Variants in WWTR1 observed in about 807,000 individuals in gnomAD.
WWTR1 encodes the protein WW domain-containing transcription regulator protein 1.
WWTR1 carries 13 observed loss-of-function variants against 40.1 expected under a neutral mutation model. The observed-to-expected ratio is 0.32, with a 90% CI of 0.21 to 0.52. The LOEUF is 0.52. Among genes scored for constraint, WWTR1 ranks in the 20% least tolerant of loss-of-function variants. The pLI, the probability that WWTR1 is intolerant of heterozygous loss-of-function variation, is 0.97. For missense variants in WWTR1, 436 were observed against 523.1 expected (o/e 0.83, Z 1.63); for synonymous variants, 230 against 210.1 (o/e 1.09, Z -0.82).
intron 3 of WWTR1, among the ~76,000 whole-genome samples, chr3:149,564,562 C>T (rs1737225379): frequency 6.6e-6 from 1 of 151,586 alleles, no homozygotes; most frequent in Admixed American, 6.6e-5. Flanking sequence ...GAGGGAATCA[C>T]CCTTAACTCA....
intron 1 of WWTR1, among the ~76,000 whole-genome samples, chr3:149,670,301 C>G (rs1714016702): frequency 6.6e-6 from 1 of 152,162 alleles, no homozygotes; most frequent in Non-Finnish European, 1.5e-5. Context: ...CTCCATTTTT[C>G]AGGGCGCAGT....
intron 2 of WWTR1, among the ~76,000 whole-genome samples, chr3:149,654,645 A>G (rs1005527397): frequency 6.7e-6 from 1 of 148,668 alleles, no homozygotes; most frequent in Admixed American, 6.6e-5. Flanking sequence ...AGCTACTCCA[A>G]TCATTCAAAA....
intron 1 of WWTR1, among the ~76,000 whole-genome samples, chr3:149,684,662 C>G (rs1714575364): frequency 6.6e-6 from 1 of 151,984 alleles, no homozygotes; most frequent in South Asian, 2.1e-4. Flanking sequence ...CTCCTGGGGT[C>G]AAGAAATCCT....
rs141448727 is a variant in WWTR1, at chr3:149,542,530, A to G, written c.576T>C (p.Asn192=). ...MAVSQPNLVM[N]HQHQQQMAPS... is the part of the protein sequence containing the mutation. ...GGGCCATCTGCTGCTGGTGTTGGTG[A>G]TTCATCACTGCAAGAGGGAAGAACA... Residue 192 remains asparagine (N), a synonymous_variant, in exon 4 of 7, where the codon AAT becomes AAC. Transcript: ENST00000360632. 240 of 1,611,860 alleles carry G rather than the reference A, an allele frequency of 1.5e-4. No individual in the cohort carries two copies. Among genetic ancestry groups the G allele is most frequent in the Non-Finnish European group, 1.9e-4 (225 of 1,178,852 alleles).
At chr3:149,566,780 T>C (rs1737344993) in intron 3 of WWTR1, among the ~76,000 whole-genome samples, 1 of 150,902 alleles carries the variant, frequency 6.6e-6, no homozygotes, top group Admixed American at 6.6e-5. Context: ...GACAAGATTT[T>C]CCATCTTGTC....
At chr3:149,564,672 T>TTTGC (rs1290193243) in intron 3 of WWTR1, among the ~76,000 whole-genome samples, 2 of 152,148 alleles carry the variant, frequency 1.3e-5, no homozygotes, top group African/African-American at 4.8e-5. Context: ...CCTAATGAGC[T>TTTGC]TTGCTTGGGG....
At chr3:149,624,445 C>G (rs1675385464) in intron 2 of WWTR1, among the ~76,000 whole-genome samples, 1 of 152,216 alleles carries the variant, frequency 6.6e-6, no homozygotes, top group African/African-American at 2.4e-5. Context: ...TCAGCTGGAA[C>G]AGTCCTGACT....
chr3:149,663,330 TA>T (rs1444341932), intron 2 of WWTR1, among the ~76,000 whole-genome samples: 1 of 104,576 alleles, frequency 9.6e-6, no homozygotes, highest in Admixed American at 1.1e-4. Context: ...TATTGTATTG[TA>T]AAATTCGCCT....
chr3:149,694,544 T>C (rs566580715), intron 1 of WWTR1, among the ~76,000 whole-genome samples: 5 of 152,114 alleles, frequency 3.3e-5, no homozygotes, highest in East Asian at 1.9e-4. Flanking sequence ...AAAGAAGACA[T>C]ACAAATGGCA....
intron 4 of WWTR1, among the ~76,000 whole-genome samples, chr3:149,541,697 TCTACTTC>T (rs1205735188): frequency 6.6e-6 from 1 of 151,960 alleles, no homozygotes; most frequent in Non-Finnish European, 1.5e-5. Context: ...ATTGGCAACT[TCTACTTC>T]CTGTCTCTTA....
chr3:149,538,612 C>G (rs538726526), intron 4 of WWTR1, among the ~76,000 whole-genome samples: 1 of 152,310 alleles, frequency 6.6e-6, no homozygotes, highest in Non-Finnish European at 1.5e-5. Context: ...CAGAAGATTC[C>G]TTATCAGCAG....
intron 4 of WWTR1, among the ~76,000 whole-genome samples, chr3:149,723,210 CAG>C (rs1279537737): frequency 1.0e-5 from 1 of 96,368 alleles, no homozygotes; most frequent in African/African-American, 4.4e-5. Context: ...TTTTTTGAGA[CAG>C]AGTTTTGCTC....
At chr3:149,704,366 C>T (rs1715277673), upstream of WWTR1, among the ~76,000 whole-genome samples, 4 of 152,150 alleles carry the variant, frequency 2.6e-5, no homozygotes, top group South Asian at 8.3e-4. Context: ...AACCAAGAAG[C>T]AAGCCATTTC....
At chr3:149,527,552 C>A (rs1012653532) in intron 5 of WWTR1, among the ~76,000 whole-genome samples, 1 of 152,200 alleles carries the variant, frequency 6.6e-6, no homozygotes, top group Non-Finnish European at 1.5e-5. Context: ...AAGTACTAGA[C>A]GACACCATCA....
chr3:149,546,301 A>T (rs184744081), intron 3 of WWTR1, among the ~76,000 whole-genome samples: 151 of 152,370 alleles, frequency 9.9e-4, no homozygotes, highest in African/African-American at 3.3e-3. Flanking sequence ...AGTTTGTACA[A>T]GGATATTCAA....
At position 149,561,699 on chromosome 3, in the gene WWTR1, T is replaced by A. The variant is rs539997799; in HGVS notation, c.568+11165A>T. 4.6e-5 allele frequency among the ~76,000 whole-genome samples: 7 copies of A among 152,300 alleles called. No homozygotes were observed. In the South Asian group the frequency reaches 1.5e-3, roughly 32 times the overall value. ...TACAGTATCTCAACGGAGTGGAACATTACATATTGCTGACAAACAATGAAC... is the reference window on the plus strand; with the variant it reads ...TACAGTATCTCAACGGAGTGGAACAATACATATTGCTGACAAACAATGAAC... On this transcript the variant is annotated intron_variant, in intron 3 of 6. Coordinates refer to ENST00000360632, the MANE Select transcript of WWTR1 (RefSeq NM_015472.6).
intron 1 of WWTR1, among the ~76,000 whole-genome samples, chr3:149,675,570 C>A (rs1299553275): frequency 6.6e-6 from 1 of 151,960 alleles, no homozygotes; most frequent in Non-Finnish European, 1.5e-5. Flanking sequence ...ATTTGGACAG[C>A]CAGAAGAAAG....
In WWTR1 at chr3:149,713,978, A is replaced by G. The variant is rs373087122; in HGVS notation, n.584+3464T>C. Among the ~76,000 whole-genome samples the G allele has an allele frequency of 5.0e-4, 76 of 152,192 alleles. No individual in the cohort carries two copies. In the East Asian group the frequency reaches 0.012, roughly 24 times the overall value. ...CCACTGCGGGGAGGCTGCGGGGAGGAGATGATAGTCTCTGGAGCCTGCCCT... is the reference window on the plus strand; with the variant it reads ...CCACTGCGGGGAGGCTGCGGGGAGGGGATGATAGTCTCTGGAGCCTGCCCT... On this transcript the variant is annotated intron_variant and non_coding_transcript_variant, in intron 5 of 6. Transcript: ENST00000474080.
chr3:149,551,529 C>T lies in WWTR1; in HGVS notation c.569-8992G>A, dbSNP rs751336560. 4.1e-5 allele frequency among the ~76,000 whole-genome samples: 6 copies of T among 145,522 alleles called. 1 individual carries two copies. Among genetic ancestry groups the T allele is most frequent in the Non-Finnish European group, 6.0e-5 (4 of 66,334 alleles). Reference sequence around the variant, plus strand: ...ACACTTTCCAGGAACCTAAACCCAACATGAGAGGGGAGCATAAAAGCTTCC... The same window carrying T: ...ACACTTTCCAGGAACCTAAACCCAATATGAGAGGGGAGCATAAAAGCTTCC... On this transcript the variant is annotated intron_variant, in intron 3 of 6. Transcript: ENST00000360632.
Sources: allele counts gnomAD v4.1 joint callset (sites outside exome capture counted in the v4.1 genomes callset), GRCh38; gene constraint gnomAD v4.1.1; transcripts MANE v1.5; gene names NCBI Gene and HGNC (gene_info 2026-07-23, HGNC 2026-07-21).